The following PLXNB1 variants were observed in gnomAD, a reference collection of about 807,000 sequenced individuals.
The protein encoded by PLXNB1 is plexin B1.
A neutral mutation model predicts 209.4 loss-of-function variants in PLXNB1; 106 were observed. That is an observed-to-expected ratio of 0.51 (90% confidence interval 0.43 to 0.59). The LOEUF is 0.59. Among genes scored for constraint, PLXNB1 ranks in the 20% least tolerant of loss-of-function variants. The probability of loss-of-function intolerance (pLI) is 0.00; values close to 1 mark genes in which losing one functional copy is unlikely to be tolerated. For synonymous variants in PLXNB1, 1,167 were observed against 1,183.2 expected (o/e 0.99, Z 0.28); for missense variants, 2,357 against 2,853.2 (o/e 0.83, Z 3.96).
Position 48,419,587 on chromosome 3 carries a change from A to G in PLXNB1, c.2699T>C (p.Leu900Pro). The change falls in exon 11 of 38, where the codon CTC becomes CCC. Residue 900 changes from leucine to proline, a missense_variant. By Grantham distance (98) the Leu-to-Pro change is moderately conservative (BLOSUM62 -3). Around this residue, in one of 7 missense-constraint regions of PLXNB1, gnomAD observed 410 missense variants for 401.0 expected, o/e 1.02. Transcript: ENST00000296440. The surrounding 1 kb of genome is among the most constrained non-coding windows in gnomAD (Gnocchi z 5.7). Reference sequence around the variant, plus strand: ...TGGGCTGGGCCTCACCAGCTCCCAGAGCCCGGGGGTGTCATACTGGTAGTC... The same window carrying G: ...TGGGCTGGGCCTCACCAGCTCCCAGGGCCCGGGGGTGTCATACTGGTAGTC... ...SLDYQYDTPG[L>P]WELEEATLGA... 1.2e-6 allele frequency: 2 copies of G among 1,604,904 alleles called. No homozygotes were observed. The highest frequency in any genetic ancestry group is 1.1e-5 in the South Asian group (1 of 90,922).
Position 48,415,901 on chromosome 3 carries a change from G to A in PLXNB1, c.3617+130C>T, listed in dbSNP as rs954868602. 4 of 1,346,976 alleles carry A rather than the reference G, an allele frequency of 3.0e-6. No individual in the cohort carries two copies. The highest frequency in any genetic ancestry group is 3.0e-6 in the Non-Finnish European group (3 of 988,170). 83.4% of individuals were successfully genotyped at this position (1,346,976 alleles called of 1,614,324 possible). ...GTGCACTCCCACCACAGCTGGCTAG[G>A]GAGGGTCTGGCCACTCTCTGAAGGA... is the stretch of plus-strand genomic sequence containing the variant. On this transcript the variant is annotated intron_variant, in intron 18 of 37. Transcript: ENST00000296440. This position sits in a 1 kb window ranked among gnomAD's most constrained non-coding sequence, Gnocchi z 5.0.
chr3:48,404,071 A>G lies in PLXNB1; in HGVS notation c.*415T>C, dbSNP rs572538905. ...CAGCAACAAGGCCAGAGGCAGCTCA[A>G]CTGAGGTCAGGGATGGTGGAGGAGG... On this transcript the variant is annotated 3_prime_UTR_variant, in exon 38 of 38. Transcript: ENST00000296440. 8 of 169,912 alleles carry G rather than the reference A, an allele frequency of 4.7e-5. No individual in the cohort carries two copies. The South Asian group carries it at 1.2e-3, about 26-fold the overall frequency. 10.5% of individuals were successfully genotyped at this position (169,912 alleles called of 1,614,324 possible). A position where few individuals can be genotyped will look rare whatever the true frequency, so the allele number is the denominator to read the frequency against.
In PLXNB1 at chr3:48,410,329, G is replaced by A. The variant is rs752331700; in HGVS notation, c.5572C>T (p.Leu1858Phe). Residue 1858 changes from leucine (L) to phenylalanine (F), a missense_variant, in exon 31 of 38, where the codon CTC becomes TTC. Leu to Phe is a conservative substitution (Grantham distance 22). Transcript: ENST00000296440. The surrounding 1 kb of genome is among the most constrained non-coding windows in gnomAD (Gnocchi z 6.4). ...ALVPCLTKHV[L>F]RENQDYVPGE... The stretch of plus-strand genomic sequence containing the variant: ...GGGACATAATCCTGGTTTTCCCGGA[G>A]CACATGCTTGGTGAGGCAGGGGACG... The A allele has an allele frequency of 1.2e-6, 2 of 1,613,170 alleles. No individual in the cohort carries two copies. Among genetic ancestry groups the A allele is most frequent in the Non-Finnish European group, 1.7e-6 (2 of 1,179,456 alleles).
In PLXNB1 at chr3:48,406,432, C is replaced by T. The variant is rs892028278; in HGVS notation, c.6228+391G>A. ...ACATTTCAGAAACATTGTTCATAAACTCCCTGGAGTTACATTTTAGGGCGG... is the reference window on the plus strand; with the variant it reads ...ACATTTCAGAAACATTGTTCATAAATTCCCTGGAGTTACATTTTAGGGCGG... On this transcript the variant is annotated intron_variant, in intron 36 of 37. Coordinates refer to ENST00000296440, the MANE Select transcript of PLXNB1 (RefSeq NM_001130082.3). This position sits in a 1 kb window ranked among gnomAD's most constrained non-coding sequence, Gnocchi z 4.4. 4.8e-6 allele frequency: 1 copy of T among 208,484 alleles called. No homozygotes were observed. The highest frequency in any genetic ancestry group is 6.5e-5 in the Admixed American group (1 of 15,352). The allele number at this position is 208,484 out of a possible 1,614,324, so 12.9% of individuals were successfully genotyped here.
intron 34 of PLXNB1, among the ~76,000 whole-genome samples, chr3:48,408,684 G>A (rs991963822): frequency 2.0e-5 from 3 of 152,042 alleles, no homozygotes; most frequent in Non-Finnish European, 4.4e-5. Context: ...CCAATCAGCA[G>A]CCCAGAGCTG....
At position 48,413,672 on chromosome 3, in the gene PLXNB1, G is replaced by C; in HGVS notation, c.4533C>G (p.Tyr1511Ter). ...ALGVIIIVLMYRRKSKQALRD... is the reference protein window; with the variant it reads ...ALGVIIIVLM ...CAGCCACATCTGGCTGCACCCACCTGTACATGAGGACAATGATGATGACAC... is the reference window on the plus strand; with the variant it reads ...CAGCCACATCTGGCTGCACCCACCTCTACATGAGGACAATGATGATGACAC... Residue 1511 changes from tyrosine (Y) to a stop codon, truncating the protein, a stop_gained and splice_region_variant, in exon 23 of 38, where the codon TAC becomes TAG. Coordinates refer to ENST00000296440, the MANE Select transcript of PLXNB1 (RefSeq NM_001130082.3). LOFTEE classifies it high-confidence loss of function. This position sits in a 1 kb window ranked among gnomAD's most constrained non-coding sequence, Gnocchi z 5.4. 2 of 1,611,478 alleles carry C rather than the reference G, an allele frequency of 1.2e-6. No individual in the cohort carries two copies. Among genetic ancestry groups the C allele is most frequent in the Non-Finnish European group, 1.7e-6 (2 of 1,178,474 alleles).
chr3:48,415,458 C>A lies in PLXNB1; in HGVS notation c.3795-111G>T. 4 of 1,420,178 alleles carry A rather than the reference C, an allele frequency of 2.8e-6. No homozygotes were observed. The allele number at this position is 1,420,178 out of a possible 1,614,324, so 88.0% of individuals were successfully genotyped here. A position where few individuals can be genotyped will look rare whatever the true frequency, so the allele number is the denominator to read the frequency against. ...CAGCCCCAGCCCCAAACCACACGACCCCTTGCCCCTACTAGCAGCATGGGA... is the reference window on the plus strand; with the variant it reads ...CAGCCCCAGCCCCAAACCACACGACACCTTGCCCCTACTAGCAGCATGGGA... On this transcript the variant is annotated intron_variant, in intron 19 of 37. Transcript: ENST00000296440. The surrounding 1 kb of genome is among the most constrained non-coding windows in gnomAD (Gnocchi z 5.0).
Position 48,424,187 on chromosome 3 carries a change from T to C in PLXNB1, c.425A>G (p.Tyr142Cys), listed in dbSNP as rs2106976135. Residue 142 changes from tyrosine to cysteine, a missense_variant, in exon 3 of 38, where the codon TAT becomes TGT. By Grantham distance (194) the Tyr-to-Cys change is radical (BLOSUM62 -2). Around this residue, in one of 7 missense-constraint regions of PLXNB1, gnomAD observed 404 missense variants for 443.6 expected, o/e 0.91. Coordinates refer to ENST00000296440, the MANE Select transcript of PLXNB1 (RefSeq NM_001130082.3). Reference protein sequence around the residue: ...LRPERPGDTQYVAANDPAVST... With the variant: ...LRPERPGDTQCVAANDPAVST... ...GACCGCAGGATCATTGGCAGCCACA[T>C]ATTGTGTGTCCCCAGGCCGCTCTGG... The C allele has an allele frequency of 6.3e-7, 1 of 1,589,846 alleles. No individual in the cohort carries two copies. Among genetic ancestry groups the C allele is most frequent in the Non-Finnish European group, 8.6e-7 (1 of 1,167,036 alleles).
At position 48,415,896 on chromosome 3, in the gene PLXNB1, G is replaced by A; in HGVS notation, c.3617+135C>T. 2 of 1,342,568 alleles carry A rather than the reference G, an allele frequency of 1.5e-6. No homozygotes were observed. The highest frequency in any genetic ancestry group is 2.0e-6 in the Non-Finnish European group (2 of 985,044). The allele number at this position is 1,342,568 out of a possible 1,614,324, so 83.2% of individuals were successfully genotyped here. ...TGGAGGTGCACTCCCACCACAGCTG[G>A]CTAGGGAGGGTCTGGCCACTCTCTG... On this transcript the variant is annotated intron_variant, in intron 18 of 37. Transcript: ENST00000296440. The surrounding 1 kb of genome is among the most constrained non-coding windows in gnomAD (Gnocchi z 5.0).
intron 37 of PLXNB1, among the ~76,000 whole-genome samples, 169 bp from the exon 38 acceptor site, chr3:48,404,759 G>T (rs1212595084): frequency 2.6e-5 from 4 of 152,102 alleles, no homozygotes; most frequent in Non-Finnish European, 5.9e-5. Context: ...TGGCGGGAGG[G>T]GTAATAACAT....
At position 48,419,964 on chromosome 3, in the gene PLXNB1, G is replaced by A. The variant is rs568962316; in HGVS notation, c.2322C>T (p.Ala774=). 1.3e-6 allele frequency: 2 copies of A among 1,586,128 alleles called. No individual in the cohort carries two copies. Among genetic ancestry groups the A allele is most frequent in the South Asian group, 1.2e-5 (1 of 86,396 alleles). Residue 774 remains alanine (A), a synonymous_variant, in exon 11 of 38, where the codon GCC becomes GCT. Coordinates refer to ENST00000296440, the MANE Select transcript of PLXNB1 (RefSeq NM_001130082.3). This position sits in a 1 kb window ranked among gnomAD's most constrained non-coding sequence, Gnocchi z 5.7. ...TGGCTGAGGGTCTGAAGTCAGTGGG[G>A]GCAGGGACAGCGGTTCCAGGTCCAT... ...PQNGPGTAVP[A]PTDFRPSATP... is the part of the protein sequence containing the mutation.
Position 48,415,474 on chromosome 3 carries a change from C to A in PLXNB1, c.3794+109G>T, listed in dbSNP as rs993308229. The A allele has an allele frequency of 1.1e-5, 16 of 1,402,108 alleles. No homozygotes were observed. In the Admixed American group the frequency reaches 2.7e-4, roughly 24 times the overall value. 86.9% of individuals were successfully genotyped at this position (1,402,108 alleles called of 1,614,324 possible). On this transcript the variant is annotated intron_variant, in intron 19 of 37. Coordinates refer to ENST00000296440, the MANE Select transcript of PLXNB1 (RefSeq NM_001130082.3). The surrounding 1 kb of genome is among the most constrained non-coding windows in gnomAD (Gnocchi z 5.0). ...CCACACGACCCCTTGCCCCTACTAG[C>A]AGCATGGGATTCTCAGTGCCTCAAC...
At position 48,404,155 on chromosome 3, in the gene PLXNB1, A is replaced by G; in HGVS notation, c.*331T>C. The G allele has an allele frequency of 3.9e-6, 1 of 258,370 alleles. No individual in the cohort carries two copies. The highest frequency in any genetic ancestry group is 7.4e-6 in the Non-Finnish European group (1 of 135,902). The allele number at this position is 258,370 out of a possible 1,614,324, so 16.0% of individuals were successfully genotyped here. A position where few individuals can be genotyped will look rare whatever the true frequency, so the allele number is the denominator to read the frequency against. The stretch of plus-strand genomic sequence containing the variant: ...TCCGAATCCCAGTGTGGCCAAGGCC[A>G]GTGTTCAGGAACAGTACAGTCTCCC... On this transcript the variant is annotated 3_prime_UTR_variant, in exon 38 of 38. Coordinates refer to ENST00000296440, the MANE Select transcript of PLXNB1 (RefSeq NM_001130082.3).
intron 34 of PLXNB1, among the ~76,000 whole-genome samples, chr3:48,407,694 A>T (rs1420624696): frequency 6.6e-6 from 1 of 152,202 alleles, no homozygotes; most frequent in Non-Finnish European, 1.5e-5. Flanking sequence ...ATGAGCAGGG[A>T]TCCAAGGCCA....
At position 48,416,902 on chromosome 3, in the gene PLXNB1, G is replaced by A. The variant is rs569597548; in HGVS notation, c.3375-451C>T. 9.8e-4 allele frequency: 151 copies of A among 153,690 alleles called. No homozygotes were observed. The highest frequency in any genetic ancestry group is 1.8e-3 in the Non-Finnish European group (126 of 69,012). 9.5% of individuals were successfully genotyped at this position (153,690 alleles called of 1,614,324 possible). A position where few individuals can be genotyped will look rare whatever the true frequency, so the allele number is the denominator to read the frequency against. ...TCTAGTCAGACAGGGAAATACAGGT[G>A]AAGGGAAAGTGAACCATCTAAGAAA... On this transcript the variant is annotated intron_variant, in intron 16 of 37. Coordinates refer to ENST00000296440, the MANE Select transcript of PLXNB1 (RefSeq NM_001130082.3). The surrounding 1 kb of genome is among the most constrained non-coding windows in gnomAD (Gnocchi z 4.1).
Position 48,422,155 on chromosome 3 carries a change from A to G in PLXNB1, c.1470T>C (p.Ser490=), listed in dbSNP as rs1376854325. 1.9e-6 allele frequency: 3 copies of G among 1,614,162 alleles called. No homozygotes were observed. The highest frequency in any genetic ancestry group is 2.5e-6 in the Non-Finnish European group (3 of 1,180,004). The change falls in exon 6 of 38, where the codon TCT becomes TCC. Residue 490 remains serine, a synonymous_variant. Transcript: ENST00000296440. ...AGTATGGGTCCCTGTGAGCAAGGCAAGATGCACAGTCCAGGTGCTGAGCAC... is the reference window on the plus strand; with the variant it reads ...AGTATGGGTCCCTGTGAGCAAGGCAGGATGCACAGTCCAGGTGCTGAGCAC... ...ASCAQHLDCA[S]CLAHRDPYCG... is the part of the protein sequence containing the mutation.
rs144663234 is a variant in PLXNB1 at position 48,405,736 on chromosome 3, C to T, written c.6291G>A (p.Lys2097=). 3.5e-5 allele frequency: 57 copies of T among 1,613,510 alleles called. No individual in the cohort carries two copies. In the African/African-American group the frequency reaches 6.0e-4, roughly 17 times the overall value. Residue 2097 remains lysine (K), a synonymous_variant, in exon 37 of 38, where the codon AAG becomes AAA. Transcript: ENST00000296440. The surrounding 1 kb of genome is among the most constrained non-coding windows in gnomAD (Gnocchi z 5.0). The part of the protein sequence containing the change: ...ALHELYKYIN[K]YYDQIITALE... Reference sequence around the variant, plus strand: ...AGGGCCTGCCCACCTGGTCATAGTACTTGTTGATGTACTTGTAGAGTTCAT... The same window carrying T: ...AGGGCCTGCCCACCTGGTCATAGTATTTGTTGATGTACTTGTAGAGTTCAT...
chr3:48,410,648 C>G lies in PLXNB1; in HGVS notation c.5417-90G>C. The G allele has an allele frequency of 1.7e-6, 2 of 1,157,496 alleles. No individual in the cohort carries two copies. The highest frequency in any genetic ancestry group is 2.6e-6 in the Non-Finnish European group (2 of 784,076). 71.7% of individuals were successfully genotyped at this position (1,157,496 alleles called of 1,614,324 possible). ...TCCTCCTCCACAGGGACACCAGCCCCTCCATCATGGGGCAGCCTTACTCAA... is the reference window on the plus strand; with the variant it reads ...TCCTCCTCCACAGGGACACCAGCCCGTCCATCATGGGGCAGCCTTACTCAA... On this transcript the variant is annotated intron_variant, in intron 29 of 37. Transcript: ENST00000296440. The surrounding 1 kb of genome is among the most constrained non-coding windows in gnomAD (Gnocchi z 6.4).
rs777148589 is a variant in PLXNB1 at position 48,411,978 on chromosome 3, A to G, written c.5132T>C (p.Phe1711Ser). 6.2e-7 allele frequency: 1 copy of G among 1,614,056 alleles called. No homozygotes were observed. The highest frequency in any genetic ancestry group is 2.2e-5 in the East Asian group (1 of 44,880). Reference protein sequence around the residue: ...DSVGEPLYMLFRGIKHQVDKG... With the variant: ...DSVGEPLYMLSRGIKHQVDKG... ...ATCCACTTGGTGCTTAATCCCTCGA[A>G]AGAGCATGTACAGAGGCTCCCCTAC... The change falls in exon 28 of 38, where the codon TTT becomes TCT. Residue 1711 changes from phenylalanine to serine, a missense_variant. By Grantham distance (155) the Phe-to-Ser change is radical. Transcript: ENST00000296440. The surrounding 1 kb of genome is among the most constrained non-coding windows in gnomAD (Gnocchi z 4.0).
Sources: allele counts gnomAD v4.1 joint callset (sites outside exome capture counted in the v4.1 genomes callset), GRCh38; gene constraint gnomAD v4.1.1; regional missense constraint gnomAD v4.1.1; non-coding constraint Gnocchi (gnomAD v3.1); transcripts MANE v1.5; gene names NCBI Gene and HGNC (gene_info 2026-07-23, HGNC 2026-07-21).